Variants in RCL1 observed in about 807,000 individuals in gnomAD.
The protein encoded by RCL1 is RNA terminal phosphate cyclase like 1, also known as RNA 3'-terminal phosphate cyclase-like protein.
A neutral mutation model predicts 42.4 loss-of-function variants in RCL1; 24 were observed. The ratio of observed to expected loss-of-function variants is 0.57; its 90% CI spans 0.41 to 0.80. RCL1 has a LOEUF of 0.80. Among genes scored for constraint, RCL1 ranks in the 30% least tolerant of loss-of-function variants. The pLI is 0.00. For missense variants in RCL1, 578 were observed against 467.9 expected (o/e 1.24, Z -2.17); for synonymous variants, 228 against 177.3 (o/e 1.29, Z -2.27).
intron 7 of RCL1, 73 bp from the exon 8 acceptor site, chr9:4,849,374 G>GTT: frequency 4.0e-5 from 41 of 1,033,176 alleles, no homozygotes; most frequent in Non-Finnish European, 4.9e-5. Context: ...TATGTTTCTG[G>GTT]TTTTTTTTTT....
chr9:4,820,313 T>C (rs1216795863), intron 1 of RCL1, among the ~76,000 whole-genome samples: 3 of 152,174 alleles, frequency 2.0e-5, no homozygotes, highest in South Asian at 4.1e-4. Flanking sequence ...TTACCATTAT[T>C]AGGTGGACTT....
chr9:4,812,739 ATT>A lies in RCL1; in HGVS notation c.137-10802_137-10801del, dbSNP rs371885850. On this transcript the variant is annotated intron_variant, in intron 1 of 8. Transcript: ENST00000381750. ...GTAGATAAAGATGGAATGTGTTTCC[ATT>A]TTTTTTGTGTGTGTCCTAAAGTTTT... is the stretch of plus-strand genomic sequence containing the variant. Among the ~76,000 whole-genome samples, 391 of 151,490 alleles carry A rather than the reference ATT, an allele frequency of 2.6e-3. 1 individual carries two copies. Among genetic ancestry groups the A allele is most frequent in the African/African-American group, 9.2e-3 (379 of 41,292 alleles).
At chr9:4,837,343 T>C (rs1817173851) in intron 5 of RCL1, among the ~76,000 whole-genome samples, 1 of 152,110 alleles carries the variant, frequency 6.6e-6, no homozygotes, top group Admixed American at 6.5e-5. Flanking sequence ...TTGGCAATGG[T>C]GAAAAAAAGT....
At chr9:4,800,011 CT>C (rs1052061610) in intron 1 of RCL1, among the ~76,000 whole-genome samples, 17 of 152,050 alleles carry the variant, frequency 1.1e-4, no homozygotes, top group African/African-American at 1.7e-4. Flanking sequence ...TAAGGACTGG[CT>C]TTTTTTCAGT....
At chr9:4,826,113 A>AT (rs1195222725) in intron 2 of RCL1, among the ~76,000 whole-genome samples, 1 of 151,932 alleles carries the variant, frequency 6.6e-6, no homozygotes, top group Non-Finnish European at 1.5e-5. Context: ...AGAAAAAAAA[A>AT]ATTAGCTGGT....
chr9:4,845,540 A>T (rs295257), intron 7 of RCL1, among the ~76,000 whole-genome samples: 2,743 of 152,330 alleles, frequency 0.018, 83 homozygotes, highest in African/African-American at 0.062. Context: ...AAAGAATAAG[A>T]TACAGTTTCC....
At chr9:4,827,892 A>T (rs1321354775) in intron 3 of RCL1, among the ~76,000 whole-genome samples, 2 of 152,078 alleles carry the variant, frequency 1.3e-5, no homozygotes, top group Non-Finnish European at 2.9e-5. Flanking sequence ...AAGATATCTT[A>T]AAGCTGATGG....
intron 8 of RCL1, among the ~76,000 whole-genome samples, chr9:4,855,309 G>C (rs10121313): frequency 6.6e-6 from 1 of 151,576 alleles, no homozygotes; most frequent in Non-Finnish European, 1.5e-5. Context: ...TGCTATTTGC[G>C]CTGTGTGGGT....
intron 3 of RCL1, among the ~76,000 whole-genome samples, chr9:4,831,620 G>A (rs1417529992): frequency 6.8e-6 from 1 of 146,596 alleles, no homozygotes; most frequent in Non-Finnish European, 1.5e-5. Flanking sequence ...AGGACCACAG[G>A]CGTGCAGCAT....
rs147510279 is a variant in RCL1, at chr9:4,844,621, A to C, written c.807A>C (p.Ala269=). ...LASNPQGQGA[A]VLPEDLGRNC... is the part of the protein sequence containing the mutation. ...CCAACCCCCAGGGCCAGGGAGCAGC[A>C]GTACTTCCAGAGGACCTTGGCAGGA... is the stretch of plus-strand genomic sequence containing the variant. The change falls in exon 7 of 9, where the codon GCA becomes GCC. Residue 269 remains alanine, a synonymous_variant. Transcript: ENST00000381750. 6.2e-7 allele frequency: 1 copy of C among 1,614,094 alleles called. No individual in the cohort carries two copies. Among genetic ancestry groups the C allele is most frequent in the African/African-American group, 1.3e-5 (1 of 75,062 alleles).
At chr9:4,811,002 A>G (rs998104445) in intron 1 of RCL1, among the ~76,000 whole-genome samples, 1 of 152,220 alleles carries the variant, frequency 6.6e-6, no homozygotes, top group Middle Eastern at 3.2e-3. Flanking sequence ...AAATCAGGGT[A>G]GTTAGCATAT....
chr9:4,802,074 ATTTTTTTT>A (rs34756856), intron 1 of RCL1, among the ~76,000 whole-genome samples: 65 of 95,466 alleles, frequency 6.8e-4, no homozygotes, highest in Non-Finnish European at 6.2e-4. Context: ...ACGCCTGGCT[ATTTTTTTT>A]TTTTTTTTTT....
chr9:4,809,735 A>T (rs1326969769), intron 1 of RCL1, among the ~76,000 whole-genome samples: 4 of 152,198 alleles, frequency 2.6e-5, no homozygotes, highest in Admixed American at 2.0e-4. Context: ...CTGTATTGAT[A>T]TCTTCTTTTA....
intron 8 of RCL1, among the ~76,000 whole-genome samples, chr9:4,856,746 C>T (rs1817975412): frequency 1.3e-5 from 2 of 152,284 alleles, no homozygotes; most frequent in South Asian, 4.1e-4. Flanking sequence ...TTGCACATTC[C>T]TAGGTGGAAG....
chr9:4,793,798 G>T (rs296847), intron 1 of RCL1, among the ~76,000 whole-genome samples: 81,558 of 152,050 alleles, frequency 0.54, 24,033 homozygotes, highest in East Asian at 0.75. Context: ...GTTTTCAGCC[G>T]TGACTGTGAT....
chr9:4,857,434 G>GT (rs1467968156), intron 8 of RCL1, among the ~76,000 whole-genome samples: 1 of 147,200 alleles, frequency 6.8e-6, no homozygotes. Context: ...GCACGTATCA[G>GT]TGCTTTGTTC....
chr9:4,821,648 T>C (rs577523518), intron 1 of RCL1, among the ~76,000 whole-genome samples: 1 of 152,230 alleles, frequency 6.6e-6, no homozygotes, highest in South Asian at 2.1e-4. Flanking sequence ...GGACTCATTT[T>C]TTTTTTTCCC....
chr9:4,826,078 AAAAGAAAGAAAG>A (rs199517345), intron 2 of RCL1, among the ~76,000 whole-genome samples: 3 of 151,548 alleles, frequency 2.0e-5, no homozygotes, highest in Admixed American at 6.6e-5. Flanking sequence ...ATAAAGAAAA[AAAAGAAAGAAAG>A]AAAGAAAGAA....
rs1214271046 is a variant in RCL1 at position 4,851,885 on chromosome 9, C to CTTTTT, written c.971+2344_971+2348dup. On this transcript the variant is annotated intron_variant, in intron 8 of 8. Coordinates refer to ENST00000381750, the MANE Select transcript of RCL1 (RefSeq NM_005772.5). ...AAAGTAAGTCTGTATGTGTGAAACT[C>CTTTTT]TTTTTTTTTTTTTGAGACAGAGTTT... Among the ~76,000 whole-genome samples, 98 of 124,450 alleles carry CTTTTT rather than the reference C, an allele frequency of 7.9e-4. 23 individuals carry two copies. Among genetic ancestry groups the CTTTTT allele is most frequent in the Admixed American group, 1.2e-3 (14 of 11,568 alleles). 81.6% of individuals were successfully genotyped at this position (124,450 alleles called of 152,430 possible).
Sources: gnomAD v4.1 joint callset for allele counts (sites outside exome capture counted in the v4.1 genomes callset) on GRCh38, gnomAD v4.1.1 for gene constraint, MANE v1.5 for transcripts, NCBI Gene and HGNC (gene_info 2026-07-23, HGNC 2026-07-21) for gene names.